Variants in MAPK4 observed in about 807,000 individuals in gnomAD.
MAPK4 encodes mitogen-activated protein kinase 4, also known as Erk3-related.
Under a neutral mutation model 47.7 loss-of-function variants are expected in MAPK4, and 22 were observed. The ratio of observed to expected loss-of-function variants is 0.46; its 90% CI spans 0.33 to 0.66. MAPK4 has a LOEUF of 0.66. MAPK4 is among the 30% of genes least tolerant of loss of function. The probability of loss-of-function intolerance (pLI) is 0.02; values close to 1 mark genes in which losing one functional copy is unlikely to be tolerated. For synonymous variants in MAPK4, 390 were observed against 365.7 expected (o/e 1.07, Z -0.76); for missense variants, 736 against 831.7 (o/e 0.88, Z 1.42).
At chr18:50,596,187 T>C in intron 1 of MAPK4, among the ~76,000 whole-genome samples, 1 of 149,566 alleles carries the variant, frequency 6.7e-6, no homozygotes, top group East Asian at 1.9e-4. Context: ...ATGGGCTGAC[T>C]TGAGGTACAG....
Position 50,652,805 on chromosome 18 carries a change from C to A in MAPK4, c.-870-10284C>A, listed in dbSNP as rs2144214802. Among the ~76,000 whole-genome samples the A allele has an allele frequency of 1.3e-5, 2 of 152,138 alleles. 1 individual carries two copies. The highest frequency in any genetic ancestry group is 6.8e-3 in the Middle Eastern group (2 of 294). On this transcript the variant is annotated intron_variant, in intron 1 of 5. Transcript: ENST00000400384. ...GGCTAAGAGGGGGACACAGCCTGAA[C>A]AGATAAGCTAGTCTGGGAAGGGAAA...
chr18:50,697,716 C>T (rs1043026239), intron 2 of MAPK4, among the ~76,000 whole-genome samples: 2 of 152,062 alleles, frequency 1.3e-5, no homozygotes, highest in African/African-American at 2.4e-5. Flanking sequence ...GGTAGGAAGC[C>T]GAATAACATC....
intron 2 of MAPK4, among the ~76,000 whole-genome samples, chr18:50,703,798 C>T (rs2038077617): frequency 1.3e-5 from 2 of 152,166 alleles, no homozygotes; most frequent in Non-Finnish European, 2.9e-5. Flanking sequence ...CCAGCCTGTC[C>T]CAAGGGTGTT....
chr18:50,724,086 A>G lies in MAPK4; in HGVS notation c.854-1876A>G, dbSNP rs182411568. Among the ~76,000 whole-genome samples, 270 of 152,186 alleles carry G rather than the reference A, an allele frequency of 1.8e-3. 2 individuals carry two copies. The highest frequency in any genetic ancestry group is 6.2e-3 in the African/African-American group (258 of 41,532). ...GAGTGCAGTGGTATAATCATGGCTC[A>G]CTATAACCTCAGCCTCGAGGGCTCA... On this transcript the variant is annotated intron_variant, in intron 4 of 5. Transcript: ENST00000400384.
chr18:50,656,646 G>A (rs1190265273), intron 1 of MAPK4, among the ~76,000 whole-genome samples: 1 of 152,194 alleles, frequency 6.6e-6, no homozygotes, highest in African/African-American at 2.4e-5. Context: ...CTGGGAAGCT[G>A]CCTTCCACAT....
intron 1 of MAPK4, 133 bp downstream of exon 1, chr18:50,560,376 G>A (rs2042141902): frequency 6.6e-6 from 1 of 152,048 alleles, no homozygotes; most frequent in South Asian, 2.1e-4. Context: ...CTAACAATAA[G>A]CCCCCCAGGC....
chr18:50,724,145 G>A (rs1029445633), intron 4 of MAPK4, among the ~76,000 whole-genome samples: 1 of 152,140 alleles, frequency 6.6e-6, no homozygotes, highest in South Asian at 2.1e-4. Context: ...CCGAGTAGCT[G>A]GCACCACAAG....
At chr18:50,676,516 T>C (rs1307842975) in intron 2 of MAPK4, among the ~76,000 whole-genome samples, 2 of 152,240 alleles carry the variant, frequency 1.3e-5, no homozygotes, top group Non-Finnish European at 2.9e-5. Context: ...CACTGTAATA[T>C]CCTTTCATTC....
chr18:50,678,926 A>G lies in MAPK4; in HGVS notation c.546+14422A>G, dbSNP rs1444422063. Among the ~76,000 whole-genome samples the G allele has an allele frequency of 2.0e-5, 3 of 152,132 alleles. No homozygotes were observed. Among genetic ancestry groups the G allele is most frequent in the African/African-American group, 4.8e-5 (2 of 41,426 alleles). On this transcript the variant is annotated intron_variant, in intron 2 of 5. Coordinates refer to ENST00000400384, the MANE Select transcript of MAPK4 (RefSeq NM_002747.4). This position sits in a 1 kb window ranked among gnomAD's most constrained non-coding sequence, Gnocchi z 4.2. ...TGGGAGACTTGAGGGTATGGTCATG[A>G]AGATTTTTTTTGCAGCGTCTTCTGC...
intron 1 of MAPK4, among the ~76,000 whole-genome samples, chr18:50,600,537 T>G (rs2042526500): frequency 6.6e-6 from 1 of 152,148 alleles, no homozygotes; most frequent in Non-Finnish European, 1.5e-5. Context: ...TAGACACTCA[T>G]GCATAGCCAT....
At chr18:50,631,320 T>C (rs777333725) in intron 1 of MAPK4, among the ~76,000 whole-genome samples, 25 of 152,052 alleles carry the variant, frequency 1.6e-4, no homozygotes, top group Admixed American at 3.9e-4. Context: ...ACAGAGAAGA[T>C]GTGTGTGTTA....
intron 2 of MAPK4, among the ~76,000 whole-genome samples, chr18:50,706,403 C>T (rs1463871350): frequency 3.3e-5 from 5 of 151,548 alleles, no homozygotes; most frequent in Non-Finnish European, 1.5e-5. Context: ...CACCCCCCCG[C>T]CTCCGCCCCC....
At chr18:50,608,950 T>C (rs1306408177) in intron 1 of MAPK4, among the ~76,000 whole-genome samples, 1 of 151,844 alleles carries the variant, frequency 6.6e-6, no homozygotes, top group East Asian at 1.9e-4. Flanking sequence ...CCTTCAAGCA[T>C]CTGTTTAACG....
chr18:50,633,768 G>T (rs1470367000), intron 1 of MAPK4, among the ~76,000 whole-genome samples: 1 of 152,192 alleles, frequency 6.6e-6, no homozygotes, highest in Non-Finnish European at 1.5e-5. Context: ...CCTCCTGATG[G>T]TTGATAGGGT....
At chr18:50,602,179 A>G (rs1042604655) in intron 1 of MAPK4, among the ~76,000 whole-genome samples, 1 of 152,246 alleles carries the variant, frequency 6.6e-6, no homozygotes, top group Non-Finnish European at 1.5e-5. Context: ...AGATCTTCCC[A>G]GAGAGTCACC....
chr18:50,630,688 G>T lies in MAPK4; in HGVS notation c.-870-32401G>T, dbSNP rs74378101. On this transcript the variant is annotated intron_variant, in intron 1 of 5. Transcript: ENST00000400384. The stretch of plus-strand genomic sequence containing the variant: ...TCCTGCACCTGGCAGGTGCTTAGTG[G>T]TCTGCTGGGTAAACAAATATTAGGA... Among the ~76,000 whole-genome samples the T allele has an allele frequency of 5.1e-3, 781 of 152,290 alleles. 5 individuals are homozygous for T. Among genetic ancestry groups the T allele is most frequent in the African/African-American group, 0.017 (720 of 41,552 alleles).
chr18:50,679,933 A>T (rs982336547), intron 2 of MAPK4, among the ~76,000 whole-genome samples: 1 of 151,892 alleles, frequency 6.6e-6, no homozygotes. Flanking sequence ...CTGGAGACTC[A>T]CTGAGGCCCA....
intron 1 of MAPK4, among the ~76,000 whole-genome samples, chr18:50,609,374 G>A (rs2042612320): frequency 6.6e-6 from 1 of 151,152 alleles, no homozygotes; most frequent in African/African-American, 2.4e-5. Context: ...CGGGGCGGCT[G>A]GCCGGGCGGG....
chr18:50,695,752 C>A (rs1283071371), intron 2 of MAPK4, among the ~76,000 whole-genome samples: 1 of 152,116 alleles, frequency 6.6e-6, no homozygotes, highest in Admixed American at 6.5e-5. Flanking sequence ...AGGATTTGGA[C>A]AAAATATAAC....
Sources: allele counts gnomAD v4.1 joint callset (sites outside exome capture counted in the v4.1 genomes callset), GRCh38; gene constraint gnomAD v4.1.1; non-coding constraint Gnocchi (gnomAD v3.1); transcripts MANE v1.5; gene names NCBI Gene and HGNC (gene_info 2026-07-23, HGNC 2026-07-21).